The following FHAD1 variants were observed in gnomAD, a reference collection of about 807,000 sequenced individuals.
The protein encoded by FHAD1 is forkhead associated phosphopeptide binding domain 1, also known as forkhead-associated domain-containing protein 1.
FHAD1 carries 146 observed loss-of-function variants against 191.3 expected under a neutral mutation model. The ratio of observed to expected loss-of-function variants is 0.76; its 90% confidence interval spans 0.67 to 0.88. The LOEUF (loss-of-function observed/expected upper bound fraction) is 0.88, where lower values mean the gene tolerates loss of function less well. FHAD1 is among the 40% of genes least tolerant of loss of function. The pLI, the probability that FHAD1 is intolerant of heterozygous loss-of-function variation, is 0.00. For missense variants in FHAD1, 1,635 were observed against 1,785.8 expected (o/e 0.92, Z 1.52); for synonymous variants, 616 against 672.3 (o/e 0.92, Z 1.29).
At chr1:15,307,060 G>C (rs1275832719) in intron 6 of FHAD1, among the ~76,000 whole-genome samples, 3 of 152,200 alleles carry the variant, frequency 2.0e-5, no homozygotes, top group African/African-American at 7.2e-5. Context: ...ACCCTGCAAA[G>C]CCACAGGGAT....
chr1:15,311,532 G>A lies in FHAD1; in HGVS notation c.1040-1525G>A, dbSNP rs996230854. On this transcript the variant is annotated intron_variant, in intron 7 of 33. Transcript: ENST00000688493. The surrounding 1 kb of genome is among the most constrained non-coding windows in gnomAD (Gnocchi z 4.1). ...AGCATGCAGGCAAGCCCCAGAGAGA[G>A]CAGTCTGTTTCTAAGGAACTTAACT... Among the ~76,000 whole-genome samples, 5 of 152,188 alleles carry A rather than the reference G, an allele frequency of 3.3e-5. No homozygotes were observed. The highest frequency in any genetic ancestry group is 7.3e-5 in the Non-Finnish European group (5 of 68,042).
chr1:15,250,132 G>A (rs1646601248), intron 1 of FHAD1, among the ~76,000 whole-genome samples: 1 of 152,190 alleles, frequency 6.6e-6, no homozygotes, highest in Admixed American at 6.5e-5. Flanking sequence ...TTTACCCATA[G>A]TCCAATAATT....
upstream of FHAD1, among the ~76,000 whole-genome samples, chr1:15,245,444 T>C (rs979471605): frequency 6.6e-6 from 1 of 152,182 alleles, no homozygotes; most frequent in Non-Finnish European, 1.5e-5. Context: ...AAAAACCAAT[T>C]TTAGAAAAGA....
At position 15,325,320 on chromosome 1, in the gene FHAD1, C is replaced by A. The variant is rs931839099; in HGVS notation, c.1473+761C>A. On this transcript the variant is annotated intron_variant, in intron 11 of 33. Coordinates refer to ENST00000688493, the MANE Select transcript of FHAD1 (RefSeq NM_001391957.1). The surrounding 1 kb of genome is among the most constrained non-coding windows in gnomAD (Gnocchi z 4.6). ...ATCCACAGAATGGTTTGCACACACA[C>A]GTGTGTGTGCGTGTGTGTGTGTGTA... 6.6e-5 allele frequency: 10 copies of A among 151,802 alleles called. No individual in the cohort carries two copies. Among genetic ancestry groups the A allele is most frequent in the Admixed American group, 2.6e-4 (4 of 15,262 alleles). 9.4% of individuals were successfully genotyped at this position (151,802 alleles called of 1,614,324 possible).
At chr1:15,334,532 G>A (rs1185826470) in intron 14 of FHAD1, 1 of 152,244 alleles carries the variant, frequency 6.6e-6, no homozygotes, top group Non-Finnish European at 1.5e-5. Flanking sequence ...CCTACTAGCT[G>A]TGTGGGCAGT....
intron 3 of FHAD1, among the ~76,000 whole-genome samples, chr1:15,279,724 T>TGAC (rs1174948225): frequency 6.6e-6 from 1 of 151,986 alleles, no homozygotes; most frequent in Non-Finnish European, 1.5e-5. Flanking sequence ...TTGGATCACA[T>TGAC]GACTATCCCC....
At chr1:15,291,670 C>A (rs985749936) in intron 4 of FHAD1, among the ~76,000 whole-genome samples, 1 of 152,162 alleles carries the variant, frequency 6.6e-6, no homozygotes, top group African/African-American at 2.4e-5. Context: ...GGGGGTCAGG[C>A]ATTTGGGAGT....
chr1:15,371,731 G>A (rs1422067644), intron 26 of FHAD1, among the ~76,000 whole-genome samples: 1 of 152,232 alleles, frequency 6.6e-6, no homozygotes, highest in South Asian at 2.1e-4. Flanking sequence ...AGGTGACCAA[G>A]GCCAGTGTAG....
Position 15,349,087 on chromosome 1 carries a change from G to A in FHAD1, c.2392G>A (p.Ala798Thr), listed in dbSNP as rs774382178. 5.2e-6 allele frequency: 8 copies of A among 1,551,586 alleles called. No homozygotes were observed. The highest frequency in any genetic ancestry group is 1.7e-4 in the Middle Eastern group (1 of 6,012). ...CCATGAAAAAAGAAAAGCAAAGGAA[G>A]CCTTGGAGTCGGAAAAGAGAAAAGT... ...IAHEKRKAKEALESEKRKVQD... is the reference protein window; with the variant it reads ...IAHEKRKAKETLESEKRKVQD... The change falls in exon 19 of 34, where the codon GCC (alanine) becomes ACC (threonine). Residue 798 changes from alanine to threonine, a missense_variant. Ala to Thr is a moderately conservative substitution (Grantham distance 58). Coordinates refer to ENST00000688493, the MANE Select transcript of FHAD1 (RefSeq NM_001391957.1).
chr1:15,383,884 C>A (rs530252377), intron 31 of FHAD1: 86 of 447,910 alleles, frequency 1.9e-4, no homozygotes, highest in African/African-American at 1.6e-3. Flanking sequence ...GGGACCTGAC[C>A]CCAGATCCCT....
At chr1:15,328,740 A>C (rs950273245) in intron 13 of FHAD1, 1 of 231,492 alleles carries the variant, frequency 4.3e-6, no homozygotes, top group East Asian at 9.0e-5. Context: ...GAGAAACCAA[A>C]GAAACATTCC....
In FHAD1 at chr1:15,276,519, G is replaced by A. The variant is rs1465368065; in HGVS notation, c.300+3990G>A. On this transcript the variant is annotated intron_variant, in intron 3 of 33. Transcript: ENST00000688493. This position sits in a 1 kb window ranked among gnomAD's most constrained non-coding sequence, Gnocchi z 4.7. ...CTTTTTTGCCAAAGTATAGCCTAGG[G>A]GCCGGGCGTGGTGACTCATGCCTGT... is the stretch of plus-strand genomic sequence containing the variant. 6.6e-6 allele frequency among the ~76,000 whole-genome samples: 1 copy of A among 152,210 alleles called. No individual in the cohort carries two copies. The highest frequency in any genetic ancestry group is 2.4e-5 in the African/African-American group (1 of 41,444).
In FHAD1 at chr1:15,381,655, G is replaced by A. The variant is rs142616036; in HGVS notation, c.4022+204G>A. On this transcript the variant is annotated intron_variant, in intron 30 of 33. Transcript: ENST00000688493. This position sits in a 1 kb window ranked among gnomAD's most constrained non-coding sequence, Gnocchi z 4.6. ...TGTCCCCGAGATCACGGCTGCAGAAGTGCACGGTTTCCCCATTCTGTGAAC... is the reference window on the plus strand; with the variant it reads ...TGTCCCCGAGATCACGGCTGCAGAAATGCACGGTTTCCCCATTCTGTGAAC... Among the ~76,000 whole-genome samples the A allele has an allele frequency of 5.6e-3, 859 of 152,228 alleles. 4 individuals carry two copies. Among genetic ancestry groups the A allele is most frequent in the Non-Finnish European group, 0.01 (685 of 68,018 alleles).
At chr1:15,376,807 A>G (rs1387176280) in intron 28 of FHAD1, among the ~76,000 whole-genome samples, 3 of 152,176 alleles carry the variant, frequency 2.0e-5, no homozygotes, top group African/African-American at 7.2e-5. Context: ...AGGCCAAGAG[A>G]AGGGTATCGC....
chr1:15,341,891 A>G lies in FHAD1; in HGVS notation c.2130+3A>G. ...GGCAACTGACGGAAGAGAAGGCGGT[A>G]AGGTGGTCCCTGCCATTTGCTTTAC... On this transcript the variant is annotated splice_donor_region_variant and intron_variant, in intron 16 of 33. Coordinates refer to ENST00000688493, the MANE Select transcript of FHAD1 (RefSeq NM_001391957.1). The G allele has an allele frequency of 6.4e-7, 1 of 1,550,484 alleles. No homozygotes were observed. Among genetic ancestry groups the G allele is most frequent in the Non-Finnish European group, 8.7e-7 (1 of 1,146,430 alleles).
intron 14 of FHAD1, among the ~76,000 whole-genome samples, chr1:15,339,240 C>T (rs1232216235): frequency 6.6e-6 from 1 of 152,158 alleles, no homozygotes; most frequent in African/African-American, 2.4e-5. Context: ...AGGCTAGTCT[C>T]GAGCTCCTGA....
chr1:15,372,311 C>T (rs1698333417), intron 26 of FHAD1, among the ~76,000 whole-genome samples: 1 of 152,182 alleles, frequency 6.6e-6, no homozygotes, highest in Non-Finnish European at 1.5e-5. Flanking sequence ...GGGCCCTGTT[C>T]CCCTGGTGGC....
At chr1:15,374,325 TG>T (rs1245204682) in intron 26 of FHAD1, among the ~76,000 whole-genome samples, 176 bp from the exon 27 acceptor site, 1 of 152,224 alleles carries the variant, frequency 6.6e-6, no homozygotes, top group Non-Finnish European at 1.5e-5. Flanking sequence ...TTCCTACATG[TG>T]ACCCGATATT....
intron 7 of FHAD1, among the ~76,000 whole-genome samples, chr1:15,309,205 T>C (rs970861793): frequency 2.0e-5 from 3 of 152,220 alleles, no homozygotes; most frequent in African/African-American, 7.2e-5. Context: ...GGTAGCTGGA[T>C]ACTCAAGAAC....
Sources: gnomAD v4.1 joint callset for allele counts (sites outside exome capture counted in the v4.1 genomes callset) on GRCh38, gnomAD v4.1.1 for gene constraint, Gnocchi (gnomAD v3.1) non-coding constraint, MANE v1.5 for transcripts, NCBI Gene and HGNC (gene_info 2026-07-23, HGNC 2026-07-21) for gene names.